The following ATL1 variants were observed in gnomAD, a reference collection of about 807,000 sequenced individuals.
The protein encoded by ATL1 is atlastin-1.
Under a neutral mutation model 75.5 loss-of-function variants are expected in ATL1, and 31 were observed. The observed-to-expected ratio is 0.41, with a 90% confidence interval of 0.31 to 0.55. ATL1 has a LOEUF of 0.55. Ranked by LOEUF, ATL1 falls within the 20% of genes least tolerant of loss-of-function variation. The pLI is 0.27. For missense variants in ATL1, 405 were observed against 662.6 expected (o/e 0.61, Z 4.27); for synonymous variants, 226 against 233.3 (o/e 0.97, Z 0.28).
Position 50,632,878 on chromosome 14 carries a change from G to C in ATL1, c.*539G>C, listed in dbSNP as rs1404291658. The C allele has an allele frequency of 1.3e-5, 2 of 154,526 alleles. No homozygotes were observed. The highest frequency in any genetic ancestry group is 3.7e-4 in the East Asian group (2 of 5,334). 9.6% of individuals were successfully genotyped at this position (154,526 alleles called of 1,614,324 possible). A position where few individuals can be genotyped will look rare whatever the true frequency, so the allele number is the denominator to read the frequency against. ...GATATTGCTTTTACATGGTTTAATAGAATATAAACCTCTTGATAAAAAATG... is the reference window on the plus strand; with the variant it reads ...GATATTGCTTTTACATGGTTTAATACAATATAAACCTCTTGATAAAAAATG... On this transcript the variant is annotated 3_prime_UTR_variant, in exon 14 of 14. Coordinates refer to ENST00000358385, the MANE Select transcript of ATL1 (RefSeq NM_015915.5).
intron 6 of ATL1, among the ~76,000 whole-genome samples, chr14:50,607,474 T>G (rs749487851): frequency 1.5e-4 from 23 of 152,034 alleles, no homozygotes; most frequent in Non-Finnish European, 2.1e-4. Context: ...GGTGTAGAGG[T>G]GAAAACAGTA....
chr14:50,595,721 CT>C, intron 6 of ATL1, 89 bp downstream of exon 6: 2 of 1,253,096 alleles, frequency 1.6e-6, no homozygotes, highest in Non-Finnish European at 1.2e-6. Flanking sequence ...GTTTCCTTCT[CT>C]TTTTATTTCA....
chr14:50,572,229 C>G (rs1434061484), intron 1 of ATL1: 1 of 234,962 alleles, frequency 4.3e-6, no homozygotes, highest in African/African-American at 2.3e-5. Flanking sequence ...CAAGGTTATA[C>G]TAATTTTATA....
chr14:50,600,623 G>T (rs1453552841), intron 6 of ATL1, among the ~76,000 whole-genome samples: 1 of 152,062 alleles, frequency 6.6e-6, no homozygotes, highest in African/African-American at 2.4e-5. Context: ...GCAAAAAATT[G>T]CAAAGTAAAA....
At chr14:50,533,558 A>C (rs2038450883) in intron 1 of ATL1, among the ~76,000 whole-genome samples, 1 of 152,168 alleles carries the variant, frequency 6.6e-6, no homozygotes, top group Non-Finnish European at 1.5e-5. Context: ...TCTTGCTCTG[A>C]AGGTAGAAAT....
intron 1 of ATL1, among the ~76,000 whole-genome samples, chr14:50,534,001 T>C (rs1280480355): frequency 6.6e-6 from 1 of 152,234 alleles, no homozygotes; most frequent in African/African-American, 2.4e-5. Flanking sequence ...GAACAGTTCC[T>C]TCTTTCAAAG....
rs534379538 is a variant in ATL1 at position 50,580,701 on chromosome 14, T to A, written c.35-7130T>A. 3.9e-3 allele frequency among the ~76,000 whole-genome samples: 589 copies of A among 152,282 alleles called. 4 individuals carry two copies. The highest frequency in any genetic ancestry group is 0.014 in the African/African-American group (570 of 41,582). ...ATAATGTCCTTGTCAGTTATTGGTATCAGAGTTAGTCTGACATTATAAAAT... is the reference window on the plus strand; with the variant it reads ...ATAATGTCCTTGTCAGTTATTGGTAACAGAGTTAGTCTGACATTATAAAAT... On this transcript the variant is annotated intron_variant, in intron 1 of 13. Transcript: ENST00000358385.
chr14:50,620,745 G>C lies in ATL1; in HGVS notation c.990+19G>C, dbSNP rs745359588. On this transcript the variant is annotated intron_variant, in intron 9 of 13. Transcript: ENST00000358385. ...CTTCAAGGTATCACTCTCATTTCTA[G>C]AGCATTCGTGGGATAGATTTGACAT... 3 of 1,611,954 alleles carry C rather than the reference G, an allele frequency of 1.9e-6. No individual in the cohort carries two copies. Among genetic ancestry groups the C allele is most frequent in the Non-Finnish European group, 2.5e-6 (3 of 1,178,588 alleles).
intron 1 of ATL1, among the ~76,000 whole-genome samples, chr14:50,544,798 A>C (rs566691205): frequency 6.6e-6 from 1 of 151,966 alleles, no homozygotes; most frequent in Non-Finnish European, 1.5e-5. Context: ...TTAGCCAGGC[A>C]TGGTGGCATG....
intron 1 of ATL1, among the ~76,000 whole-genome samples, chr14:50,574,937 G>GTA (rs71118894): frequency 0.031 from 714 of 23,118 alleles, 22 homozygotes; most frequent in Middle Eastern, 0.056. Flanking sequence ...GTGTGTGTGT[G>GTA]TATATATATA....
chr14:50,622,003 G>T, intron 10 of ATL1, 104 bp downstream of exon 10: 1 of 833,546 alleles, frequency 1.2e-6, no homozygotes, highest in Non-Finnish European at 2.0e-6. Flanking sequence ...TAATTTATTG[G>T]AAGATTATTT....
chr14:50,585,386 T>C (rs1013124090), intron 1 of ATL1, among the ~76,000 whole-genome samples: 1 of 152,224 alleles, frequency 6.6e-6, no homozygotes, highest in Non-Finnish European at 1.5e-5. Flanking sequence ...TGTTTCTCTA[T>C]CCAAAATATT....
intron 8 of ATL1, 124 bp from the exon 9 acceptor site, chr14:50,620,475 G>T: frequency 2.0e-6 from 2 of 1,013,992 alleles, no homozygotes; most frequent in Non-Finnish European, 1.4e-6. Context: ...CTTAAATGAT[G>T]GGGAAGTGAG....
At chr14:50,620,835 G>C in intron 9 of ATL1, 109 bp downstream of exon 9, 1 of 1,292,136 alleles carries the variant, frequency 7.7e-7, no homozygotes, top group Non-Finnish European at 1.1e-6. Flanking sequence ...AAAGGTACGA[G>C]GAATCTATAA....
intron 2 of ATL1, among the ~76,000 whole-genome samples, chr14:50,589,133 A>G (rs1264613897): frequency 2.1e-5 from 3 of 145,612 alleles, no homozygotes; most frequent in African/African-American, 7.6e-5. Flanking sequence ...GGTGACAGAT[A>G]TATTTTTTCT....
chr14:50,628,712 ACTTTTTTTT>A (rs2039547681), intron 12 of ATL1: 2 of 607,252 alleles, frequency 3.3e-6, no homozygotes, highest in Middle Eastern at 9.0e-4. Flanking sequence ...TAGTATATAT[ACTTTTTTTT>A]CTTTTTTTGG....
chr14:50,606,160 A>AT (rs1173911136), intron 6 of ATL1, among the ~76,000 whole-genome samples: 8 of 151,996 alleles, frequency 5.3e-5, no homozygotes, highest in African/African-American at 1.9e-4. Flanking sequence ...TCAGCATTTT[A>AT]TTTTGAGGCC....
At chr14:50,563,458 AC>A (rs961180066) in intron 1 of ATL1, among the ~76,000 whole-genome samples, 1 of 152,220 alleles carries the variant, frequency 6.6e-6, no homozygotes, top group African/African-American at 2.4e-5. Flanking sequence ...CAGTGAACTG[AC>A]CTTATCTAGC....
upstream of ATL1, among the ~76,000 whole-genome samples, chr14:50,557,927 T>A (rs137940188): frequency 1.3e-5 from 2 of 152,312 alleles, no homozygotes; most frequent in Non-Finnish European, 2.9e-5. Flanking sequence ...TACAGGGAAC[T>A]GCTCAAAGAC....
Sources: gnomAD v4.1 joint callset for allele counts (sites outside exome capture counted in the v4.1 genomes callset) on GRCh38, gnomAD v4.1.1 for gene constraint, MANE v1.5 for transcripts, NCBI Gene and HGNC (gene_info 2026-07-23, HGNC 2026-07-21) for gene names.